Variants in EPN2 observed in about 807,000 individuals in gnomAD.
EPN2 encodes the protein epsin-2.
A neutral mutation model predicts 61.7 loss-of-function variants in EPN2; 34 were observed. The observed-to-expected ratio is 0.55, with a 90% CI of 0.42 to 0.73. The LOEUF (loss-of-function observed/expected upper bound fraction) is 0.73, where lower values mean the gene tolerates loss of function less well. EPN2 is among the 30% of genes least tolerant of loss of function. The pLI is 0.00. For synonymous variants in EPN2, 349 were observed against 353.6 expected (o/e 0.99, Z 0.15); for missense variants, 714 against 839.2 (o/e 0.85, Z 1.84).
intron 4 of EPN2, among the ~76,000 whole-genome samples, chr17:19,301,337 T>A (rs1001548433): frequency 1.3e-5 from 2 of 152,148 alleles, no homozygotes; most frequent in Non-Finnish European, 2.9e-5. Flanking sequence ...ACAAATAAGG[T>A]CATGTTCTTC....
At chr17:19,260,343 G>T in intron 1 of EPN2, among the ~76,000 whole-genome samples, 1 of 152,216 alleles carries the variant, frequency 6.6e-6, no homozygotes, top group East Asian at 1.9e-4. Flanking sequence ...ATTGACAGTG[G>T]GGGAAGCATT....
rs1249586275 is a variant in EPN2, at chr17:19,313,129, A to G, written c.997A>G (p.Thr333Ala). Residue 333 changes from threonine (T) to alanine (A), a missense_variant, in exon 7 of 11, where the codon ACG becomes GCG. Physicochemically the swap from Thr to Ala is moderately conservative, Grantham distance 58. Transcript: ENST00000314728. ...GCATGGCTCTCTCCCACAGCAGACT[A>G]CGCTGTTGGATTTAATGGATGCTCT... ...KEHGSLPQQTTLLDLMDALPS... is the reference protein window; with the variant it reads ...KEHGSLPQQTALLDLMDALPS... The G allele has an allele frequency of 6.2e-7, 1 of 1,613,858 alleles. No individual in the cohort carries two copies. The highest frequency in any genetic ancestry group is 8.5e-7 in the Non-Finnish European group (1 of 1,179,856).
At chr17:19,326,372 A>G (rs910227802) in intron 7 of EPN2, among the ~76,000 whole-genome samples, 13 of 152,130 alleles carry the variant, frequency 8.5e-5, no homozygotes, top group African/African-American at 3.1e-4. Flanking sequence ...TTCTCATAAC[A>G]CTGTTTGTGA....
At chr17:19,305,128 T>G (rs1258134082) in intron 4 of EPN2, among the ~76,000 whole-genome samples, 12 of 151,638 alleles carry the variant, frequency 7.9e-5, no homozygotes, top group African/African-American at 9.6e-5. Flanking sequence ...TTTTTTTTTT[T>G]TTTTTTTTTT....
intron 1 of EPN2, among the ~76,000 whole-genome samples, chr17:19,243,621 C>T (rs1031393919): frequency 6.6e-6 from 1 of 152,004 alleles, no homozygotes; most frequent in Non-Finnish European, 1.5e-5. Flanking sequence ...TCTCGATCTC[C>T]TGACCTTGTG....
chr17:19,252,776 G>T (rs371573701), intron 1 of EPN2, among the ~76,000 whole-genome samples: 1 of 152,146 alleles, frequency 6.6e-6, no homozygotes, highest in Non-Finnish European at 1.5e-5. Flanking sequence ...CGCAACCTCC[G>T]CCTCCTGGGC....
At chr17:19,287,509 A>G (rs776391355) in intron 4 of EPN2, among the ~76,000 whole-genome samples, 22 of 152,202 alleles carry the variant, frequency 1.4e-4, no homozygotes, top group Non-Finnish European at 2.9e-4. Flanking sequence ...GATTCTGGCC[A>G]TGTTTCTTCT....
intron 1 of EPN2, among the ~76,000 whole-genome samples, chr17:19,252,878 A>G (rs577622612): frequency 6.6e-6 from 1 of 152,124 alleles, no homozygotes; most frequent in South Asian, 2.1e-4. Flanking sequence ...TTTTTTAGAG[A>G]TGGGGTTTCA....
At chr17:19,286,940 C>G (rs2045410932) in intron 4 of EPN2, among the ~76,000 whole-genome samples, 1 of 152,188 alleles carries the variant, frequency 6.6e-6, no homozygotes, top group Non-Finnish European at 1.5e-5. Flanking sequence ...TAGTCAGAGG[C>G]TGCTGTTCTC....
At chr17:19,327,913 AGAAG>A (rs1310535511) in intron 7 of EPN2, among the ~76,000 whole-genome samples, 6 of 152,302 alleles carry the variant, frequency 3.9e-5, no homozygotes, top group Non-Finnish European at 4.4e-5. Context: ...GTGCTCCGCG[AGAAG>A]GAAGGAGATG....
In EPN2 at chr17:19,334,314, C is replaced by T; in HGVS notation, c.*60C>T. The T allele has an allele frequency of 2.5e-5, 33 of 1,319,136 alleles. No homozygotes were observed. Among genetic ancestry groups the T allele is most frequent in the South Asian group, 8.2e-5 (4 of 48,800 alleles). 81.7% of individuals were successfully genotyped at this position (1,319,136 alleles called of 1,614,324 possible). A position where few individuals can be genotyped will look rare whatever the true frequency, so the allele number is the denominator to read the frequency against. ...CTGGAGGATGCCGAGCAGGGACTCT[C>T]GTCTGTGGGACGGGATCCAAGAGTT... On this transcript the variant is annotated 3_prime_UTR_variant, in exon 11 of 11. Transcript: ENST00000314728. This position sits in a 1 kb window ranked among gnomAD's most constrained non-coding sequence, Gnocchi z 4.9.
intron 1 of EPN2, among the ~76,000 whole-genome samples, chr17:19,243,327 T>A (rs1255593590): frequency 6.6e-6 from 1 of 151,092 alleles, no homozygotes; most frequent in East Asian, 1.9e-4. Context: ...AAGCGATTTT[T>A]CTGCCTCAGC....
chr17:19,283,664 C>T lies in EPN2; in HGVS notation c.545C>T (p.Ser182Leu), dbSNP rs780871533. The change falls in exon 3 of 11, where the codon TCG becomes TTG. Residue 182 changes from serine (S) to leucine (L), a missense_variant. This residue lies in a region of EPN2 where 304 missense variants were observed against 417.4 expected (regional missense o/e 0.73). Transcript: ENST00000314728. This position sits in a 1 kb window ranked among gnomAD's most constrained non-coding sequence, Gnocchi z 7.0. ...SSQPNLSTSHSEQEYGKAGGS... is the reference protein window; with the variant it reads ...SSQPNLSTSHLEQEYGKAGGS... ...CAGCCCAACCTCTCCACCAGCCACT[C>T]GGAGCAGGAGTATGGCAAGGCCGGG... The T allele has an allele frequency of 6.2e-6, 10 of 1,613,854 alleles. No individual in the cohort carries two copies. The highest frequency in any genetic ancestry group is 2.2e-5 in the East Asian group (1 of 44,880).
In EPN2 at chr17:19,328,771, C is replaced by T. The variant is rs1907019242; in HGVS notation, c.1208C>T (p.Ser403Phe). The change falls in exon 8 of 11, where the codon TCT (serine) becomes TTT (phenylalanine). Residue 403 changes from serine to phenylalanine, a missense_variant. Physicochemically the swap from Ser to Phe is radical, Grantham distance 155 (BLOSUM62 -2). Transcript: ENST00000314728. ...WGVPTGATVQ[S>F]VPKNSDPWAA... The stretch of plus-strand genomic sequence containing the variant: ...GTGCCCACTGGAGCCACCGTACAAT[C>T]TGTCCCCAAGAACTCGGACCCCTGG... The T allele has an allele frequency of 6.2e-7, 1 of 1,613,390 alleles. No individual in the cohort carries two copies. Among genetic ancestry groups the T allele is most frequent in the Admixed American group, 1.7e-5 (1 of 59,938 alleles).
At chr17:19,254,111 G>A (rs977513387) in intron 1 of EPN2, among the ~76,000 whole-genome samples, 6 of 141,464 alleles carry the variant, frequency 4.2e-5, no homozygotes, top group Middle Eastern at 3.2e-3. Context: ...CAGCCTGGGC[G>A]ACAGAGCAAG....
rs776935879 is a variant in EPN2, at chr17:19,328,799, A to G, written c.1236A>G (p.Ala412=). ...QSVPKNSDPW[A]ASQQPASSAG... ...TCCCCAAGAACTCGGACCCCTGGGC[A>G]GCTTCACAGCAGCCTGCCTCCAGTG... Residue 412 remains alanine, a synonymous_variant, in exon 8 of 11, where the codon GCA becomes GCG. Transcript: ENST00000314728. The G allele has an allele frequency of 1.2e-6, 2 of 1,613,628 alleles. No individual in the cohort carries two copies. The highest frequency in any genetic ancestry group is 4.5e-5 in the East Asian group (2 of 44,866).
chr17:19,271,279 T>C (rs2045250377), intron 1 of EPN2, among the ~76,000 whole-genome samples: 1 of 152,028 alleles, frequency 6.6e-6, no homozygotes, highest in Admixed American at 6.6e-5. Flanking sequence ...TGATGGGTTC[T>C]GAGGAGGCCA....
At chr17:19,315,775 G>T (rs534673951) in intron 7 of EPN2, among the ~76,000 whole-genome samples, 1 of 152,144 alleles carries the variant, frequency 6.6e-6, no homozygotes, top group African/African-American at 2.4e-5. Context: ...ATGAGGCACC[G>T]CTCCTGGCCC....
intron 10 of EPN2, 109 bp from the exon 11 acceptor site, chr17:19,333,847 C>G (rs1321273460): frequency 3.4e-6 from 3 of 881,002 alleles, no homozygotes; most frequent in Non-Finnish European, 5.0e-6. Context: ...CTGTCACGGG[C>G]TCTGAGGGCA....
Sources: gnomAD v4.1 joint callset for allele counts (sites outside exome capture counted in the v4.1 genomes callset) on GRCh38, gnomAD v4.1.1 for gene constraint, gnomAD v4.1.1 regional missense constraint, Gnocchi (gnomAD v3.1) non-coding constraint, MANE v1.5 for transcripts, NCBI Gene and HGNC (gene_info 2026-07-23, HGNC 2026-07-21) for gene names.